The following PDE8A variants were observed in gnomAD, a reference collection of about 807,000 sequenced individuals.
PDE8A encodes the protein high affinity cAMP-specific and IBMX-insensitive 3',5'-cyclic phosphodiesterase 8A.
Under a neutral mutation model 105.0 loss-of-function variants are expected in PDE8A, and 59 were observed. The observed-to-expected ratio is 0.56, with a 90% CI of 0.46 to 0.70. The LOEUF (loss-of-function observed/expected upper bound fraction) is 0.70, where lower values mean the gene tolerates loss of function less well. Ranked by LOEUF, PDE8A falls within the 30% of genes least tolerant of loss-of-function variation. The pLI is 0.00. For missense variants in PDE8A, 1,014 were observed against 1,045.9 expected, an observed-to-expected ratio of 0.97 and a Z score of 0.42; for synonymous variants, 355 against 371.9, an observed-to-expected ratio of 0.95 and a Z score of 0.52.
chr15:85,052,905 A>G (rs149628204), intron 1 of PDE8A, among the ~76,000 whole-genome samples: 19 of 152,316 alleles, frequency 1.2e-4, no homozygotes, highest in African/African-American at 3.9e-4. Flanking sequence ...GCCCATGCCT[A>G]TGTCCCGAAT....
At chr15:85,041,849 GA>G (rs1457820101) in intron 1 of PDE8A, among the ~76,000 whole-genome samples, 4 of 152,158 alleles carry the variant, frequency 2.6e-5, no homozygotes. Flanking sequence ...TCCTTGATCT[GA>G]AGGCCTTCAT....
intron 8 of PDE8A, among the ~76,000 whole-genome samples, chr15:85,091,448 A>T (rs1396626453): frequency 1.3e-5 from 2 of 152,222 alleles, no homozygotes; most frequent in Non-Finnish European, 2.9e-5. Context: ...TAATAACTTG[A>T]TATTTCTAAT....
intron 21 of PDE8A, among the ~76,000 whole-genome samples, chr15:85,137,347 C>G (rs1469470802): frequency 6.6e-6 from 1 of 151,968 alleles, no homozygotes; most frequent in Non-Finnish European, 1.5e-5. Context: ...AGACCAGACG[C>G]GTGTGTCCCC....
At position 85,136,504 on chromosome 15, in the gene PDE8A, G is replaced by A. The variant is rs760287116; in HGVS notation, c.2254-30G>A. 4.7e-5 allele frequency: 75 copies of A among 1,600,378 alleles called. No homozygotes were observed. The Middle Eastern group carries it at 2.1e-3, about 45-fold the overall frequency. The stretch of plus-strand genomic sequence containing the variant: ...TAGGTGGAGTGGAACCAGATGTTGG[G>A]GTCTCCTGATCACATTTTCTGCTTT... On this transcript the variant is annotated intron_variant, in intron 20 of 21. Coordinates refer to ENST00000394553, the MANE Select transcript of PDE8A (RefSeq NM_002605.3).
intron 1 of PDE8A, among the ~76,000 whole-genome samples, chr15:85,057,625 G>T (rs1458863492): frequency 6.6e-6 from 1 of 152,232 alleles, no homozygotes; most frequent in Non-Finnish European, 1.5e-5. Context: ...CGCACGCTGG[G>T]AGCTGTAGAC....
chr15:85,088,043 T>C (rs1264240900), intron 6 of PDE8A, among the ~76,000 whole-genome samples: 1 of 152,192 alleles, frequency 6.6e-6, no homozygotes, highest in East Asian at 1.9e-4. Context: ...TTTTAGAACA[T>C]TTTTATTATC....
At chr15:85,012,761 GA>G (rs2080262362) in intron 1 of PDE8A, among the ~76,000 whole-genome samples, 1 of 151,836 alleles carries the variant, frequency 6.6e-6, no homozygotes, top group African/African-American at 2.4e-5. Flanking sequence ...GTTAGACTCC[GA>G]AAAGTAGATT....
Position 84,997,075 on chromosome 15 carries a change from GTTTT to G in PDE8A, c.186+14731_186+14734del, listed in dbSNP as rs558272739. On this transcript the variant is annotated intron_variant, in intron 1 of 21. Coordinates refer to ENST00000394553, the MANE Select transcript of PDE8A (RefSeq NM_002605.3). ...TACTGTAACTTTTTTACTTTATAAA[GTTTT>G]TTTAACTTTCTGACACATTTGAAGT... Among the ~76,000 whole-genome samples, 680 of 152,092 alleles carry G rather than the reference GTTTT, an allele frequency of 4.5e-3. 2 individuals are homozygous for G. Among genetic ancestry groups the G allele is most frequent in the African/African-American group, 0.015 (641 of 41,528 alleles).
At chr15:85,050,276 C>G (rs1049809989) in intron 1 of PDE8A, among the ~76,000 whole-genome samples, 4 of 152,046 alleles carry the variant, frequency 2.6e-5, no homozygotes, top group African/African-American at 9.7e-5. Flanking sequence ...CATTTTTACT[C>G]TGTTGATGTT....
intron 1 of PDE8A, among the ~76,000 whole-genome samples, chr15:85,041,876 T>G (rs1464429178): frequency 6.6e-6 from 1 of 152,208 alleles, no homozygotes; most frequent in Non-Finnish European, 1.5e-5. Context: ...CCAGGAGTTC[T>G]CACATTCTTT....
intron 20 of PDE8A, among the ~76,000 whole-genome samples, chr15:85,133,228 G>C (rs1033012524): frequency 1.3e-5 from 2 of 152,142 alleles, no homozygotes; most frequent in African/African-American, 2.4e-5. Context: ...CAGGGCCTTA[G>C]ATGATCTGTT....
intron 5 of PDE8A, among the ~76,000 whole-genome samples, chr15:85,082,468 G>A (rs2081482656): frequency 6.6e-6 from 1 of 152,180 alleles, no homozygotes; most frequent in African/African-American, 2.4e-5. Context: ...GCTCAGGAAT[G>A]TTAGGTGCCT....
chr15:85,128,663 T>C lies in PDE8A; in HGVS notation c.2253+2289T>C, dbSNP rs2082291440. Among the ~76,000 whole-genome samples the C allele has an allele frequency of 3.9e-5, 6 of 152,210 alleles. No individual in the cohort carries two copies. In the South Asian group the frequency reaches 8.3e-4, roughly 21 times the overall value. ...TTTGAAAGGACTGTATCCATAGATA[T>C]ATAAAGAACTATAACTCAGTAGTAA... On this transcript the variant is annotated intron_variant, in intron 20 of 21. Transcript: ENST00000394553.
At chr15:85,071,570 G>A (rs2081311396) in intron 3 of PDE8A, among the ~76,000 whole-genome samples, 1 of 152,208 alleles carries the variant, frequency 6.6e-6, no homozygotes, top group African/African-American at 2.4e-5. Flanking sequence ...GAGAATCAGA[G>A]AGAACAGGCC....
chr15:85,127,232 C>T (rs184886449), intron 20 of PDE8A, among the ~76,000 whole-genome samples: 35 of 152,280 alleles, frequency 2.3e-4, no homozygotes, highest in Non-Finnish European at 4.7e-4. Flanking sequence ...TATTTAATGG[C>T]ATGAGATATT....
chr15:85,106,394 A>G (rs1249403481), intron 11 of PDE8A, among the ~76,000 whole-genome samples: 1 of 152,242 alleles, frequency 6.6e-6, no homozygotes, highest in East Asian at 1.9e-4. Flanking sequence ...TTTCGAGTTC[A>G]TGGACTATAC....
At chr15:85,088,734 T>G (rs1048944932) in intron 6 of PDE8A, among the ~76,000 whole-genome samples, 5 of 152,228 alleles carry the variant, frequency 3.3e-5, no homozygotes, top group Non-Finnish European at 5.9e-5. Flanking sequence ...TCCACTTATT[T>G]TTGTTAATGT....
intron 3 of PDE8A, among the ~76,000 whole-genome samples, chr15:85,074,932 C>T (rs572279112): frequency 2.6e-5 from 4 of 152,146 alleles, no homozygotes; most frequent in African/African-American, 9.7e-5. Context: ...TGGTTATGTT[C>T]CTCTACATTC....
At chr15:84,996,111 C>T (rs912689185) in intron 1 of PDE8A, among the ~76,000 whole-genome samples, 1 of 151,770 alleles carries the variant, frequency 6.6e-6, no homozygotes, top group African/African-American at 2.4e-5. Flanking sequence ...AAATTTTGAC[C>T]TCTCATGTGC....
Sources: allele counts gnomAD v4.1 joint callset (sites outside exome capture counted in the v4.1 genomes callset), GRCh38; gene constraint gnomAD v4.1.1; transcripts MANE v1.5; gene names NCBI Gene and HGNC (gene_info 2026-07-23, HGNC 2026-07-21).